Variants in HCN3 observed in about 807,000 individuals in gnomAD.
HCN3 encodes hyperpolarization activated cyclic nucleotide gated potassium channel 3, also known as potassium/sodium hyperpolarization-activated cyclic nucleotide-gated channel 3.
Under a neutral mutation model 56.8 loss-of-function variants are expected in HCN3, and 36 were observed. The observed-to-expected ratio is 0.63, with a 90% CI of 0.49 to 0.84. The LOEUF is 0.84. Ranked by LOEUF, HCN3 falls within the 40% of genes least tolerant of loss-of-function variation. The pLI is 0.00. For synonymous variants in HCN3, 425 were observed against 439.7 expected, an observed-to-expected ratio of 0.97 and a Z score of 0.42; for missense variants, 930 against 1,079.3, an observed-to-expected ratio of 0.86 and a Z score of 1.94.
At chr1:155,283,752 C>T (rs1400643839) in intron 2 of HCN3, among the ~76,000 whole-genome samples, 1 of 152,102 alleles carries the variant, frequency 6.6e-6, no homozygotes, top group Non-Finnish European at 1.5e-5. Flanking sequence ...CATGACTGAC[C>T]TCAGCTTTCC....
intron 1 of HCN3, among the ~76,000 whole-genome samples, 169 bp downstream of exon 1, chr1:155,278,037 G>A (rs1297685576): frequency 6.6e-6 from 1 of 152,086 alleles, no homozygotes; most frequent in Non-Finnish European, 1.5e-5. Flanking sequence ...ATTCCTGGGC[G>A]GGTATCCCCT....
rs1349779254 is a variant in HCN3 at position 155,284,179 on chromosome 1, G to A, written c.870+44G>A. ...TCTGCCTTTCCTGGGCCTTCTTAGG[G>A]CTCTTCTGCCTGAGTAGCAGGGATG... On this transcript the variant is annotated intron_variant, in intron 3 of 7. Coordinates refer to ENST00000368358, the MANE Select transcript of HCN3 (RefSeq NM_020897.3). The surrounding 1 kb of genome is among the most constrained non-coding windows in gnomAD (Gnocchi z 4.3). 5 of 1,600,366 alleles carry A rather than the reference G, an allele frequency of 3.1e-6. No individual in the cohort carries two copies. Among genetic ancestry groups the A allele is most frequent in the Non-Finnish European group, 4.3e-6 (5 of 1,170,710 alleles).
Position 155,289,281 on chromosome 1 carries a change from CTTGT to C in HCN3, c.*821_*824del, listed in dbSNP as rs1674430910. The C allele has an allele frequency of 1.3e-5, 2 of 152,238 alleles. No individual in the cohort carries two copies. The highest frequency in any genetic ancestry group is 2.1e-4 in the South Asian group (1 of 4,830). The allele number at this position is 152,238 out of a possible 1,614,324, so 9.4% of individuals were successfully genotyped here. ...TCCTTGTGTGATATTTTTTTCTTCG[CTTGT>C]TTATTTATTCATTTATTTAATTGTA... is the stretch of plus-strand genomic sequence containing the variant. On this transcript the variant is annotated 3_prime_UTR_variant, in exon 8 of 8. Transcript: ENST00000368358.
Position 155,277,609 on chromosome 1 carries a change from C to A in HCN3, c.19C>A (p.Pro7Thr), listed in dbSNP as rs1157598249. 3.2e-6 allele frequency: 5 copies of A among 1,558,980 alleles called. No homozygotes were observed. Among genetic ancestry groups the A allele is most frequent in the Non-Finnish European group, 3.5e-6 (4 of 1,152,792 alleles). ...GGGCGCCATGGAGGCAGAGCAGCGG[C>A]CGGCGGCGGGGGCCAGCGAAGGGGC... MEAEQR[P>T]AAGASEGATP... Residue 7 changes from proline (P) to threonine (T), a missense_variant, in exon 1 of 8, where the codon CCG becomes ACG. Pro to Thr is a conservative substitution (Grantham distance 38). Transcript: ENST00000368358.
In HCN3 at chr1:155,277,508, C is replaced by T; in HGVS notation, c.-83C>T. 3 of 1,436,482 alleles carry T rather than the reference C, an allele frequency of 2.1e-6. No homozygotes were observed. Among genetic ancestry groups the T allele is most frequent in the Non-Finnish European group, 2.8e-6 (3 of 1,089,548 alleles). 89.0% of individuals were successfully genotyped at this position (1,436,482 alleles called of 1,614,324 possible). On this transcript the variant is annotated 5_prime_UTR_variant, in exon 1 of 8. Coordinates refer to ENST00000368358, the MANE Select transcript of HCN3 (RefSeq NM_020897.3). ...TCCGCTAGAGCCCGCGGGGCTGCGC[C>T]GACTCCTGCTCTGGAGGGGTTGCGG...
chr1:155,277,895 G>GGGTA (rs1412355460), intron 1 of HCN3, 27 bp downstream of exon 1: 1 of 1,604,496 alleles, frequency 6.2e-7, no homozygotes, highest in African/African-American at 1.3e-5. Flanking sequence ...GGGGAGGGCA[G>GGGTA]GGTACATCAA....
Position 155,288,469 on chromosome 1 carries a change from T to TTGAG in HCN3, c.*8_*11dup. On this transcript the variant is annotated 3_prime_UTR_variant, in exon 8 of 8. Coordinates refer to ENST00000368358, the MANE Select transcript of HCN3 (RefSeq NM_020897.3). This position sits in a 1 kb window ranked among gnomAD's most constrained non-coding sequence, Gnocchi z 6.5. ...AGCTTTCTGCCAACATGTAAAACCT[T>TTGAG]TGAGTACATCCAGCCTTAGTTCTTG... 6.3e-7 allele frequency: 1 copy of TTGAG among 1,582,568 alleles called. No individual in the cohort carries two copies.
In HCN3 at chr1:155,285,073, G is replaced by A. The variant is rs1173944285; in HGVS notation, c.1090-92G>A. ...CGTTTCACCCCTTTGAGTTTGACCT[G>A]TGTCTCTGACCTTCCGCACACACAC... is the stretch of plus-strand genomic sequence containing the variant. On this transcript the variant is annotated intron_variant, in intron 4 of 7. Transcript: ENST00000368358. This position sits in a 1 kb window ranked among gnomAD's most constrained non-coding sequence, Gnocchi z 4.5. 3.4e-6 allele frequency: 5 copies of A among 1,464,826 alleles called. No individual in the cohort carries two copies. The highest frequency in any genetic ancestry group is 4.7e-6 in the Non-Finnish European group (5 of 1,069,996). The allele number at this position is 1,464,826 out of a possible 1,614,324, so 90.7% of individuals were successfully genotyped here.
At position 155,280,039 on chromosome 1, in the gene HCN3, C is replaced by T. The variant is rs952201539; in HGVS notation, c.278+2171C>T. ...TTGGCTCACTGCAACCTCCGCCTCCCGGGTTCAAGCGATTCTTCTGCATCA... is the reference window on the plus strand; with the variant it reads ...TTGGCTCACTGCAACCTCCGCCTCCTGGGTTCAAGCGATTCTTCTGCATCA... On this transcript the variant is annotated intron_variant, in intron 1 of 7. Transcript: ENST00000368358. Among the ~76,000 whole-genome samples, 6 of 151,660 alleles carry T rather than the reference C, an allele frequency of 4.0e-5. No homozygotes were observed. In the South Asian group the frequency reaches 6.2e-4, roughly 16 times the overall value.
intron 6 of HCN3, 73 bp downstream of exon 6, chr1:155,286,037 G>A (rs1674273606): frequency 6.6e-7 from 1 of 1,519,928 alleles, no homozygotes; most frequent in African/African-American, 1.4e-5. Flanking sequence ...CAGGCTCTGG[G>A]TCCCTGCCTC....
chr1:155,281,024 G>C (rs1268613760), intron 1 of HCN3, among the ~76,000 whole-genome samples: 4 of 151,250 alleles, frequency 2.6e-5, no homozygotes, highest in Admixed American at 1.3e-4. Context: ...AAAGTGCTGG[G>C]ATTACAGATA....
chr1:155,288,129 C>G lies in HCN3; in HGVS notation c.1991C>G (p.Pro664Arg). ...CCGCTGGTGCCCGTCCGAGCTGGCCCATGGGCATCCACCTCCCGCCTGCCC... is the reference window on the plus strand; with the variant it reads ...CCGCTGGTGCCCGTCCGAGCTGGCCGATGGGCATCCACCTCCCGCCTGCCC... Reference protein sequence around the residue: ...ASPLVPVRAGPWASTSRLPAP... With the variant: ...ASPLVPVRAGRWASTSRLPAP... Residue 664 changes from proline to arginine, a missense_variant, in exon 8 of 8, where the codon CCA becomes CGA. Coordinates refer to ENST00000368358, the MANE Select transcript of HCN3 (RefSeq NM_020897.3). This position sits in a 1 kb window ranked among gnomAD's most constrained non-coding sequence, Gnocchi z 6.5. 6.3e-7 allele frequency: 1 copy of G among 1,596,808 alleles called. No homozygotes were observed. The highest frequency in any genetic ancestry group is 8.5e-7 in the Non-Finnish European group (1 of 1,175,124).
chr1:155,285,064 GT>G lies in HCN3; in HGVS notation c.1090-98del. The G allele has an allele frequency of 1.4e-6, 2 of 1,396,982 alleles. No homozygotes were observed. The highest frequency in any genetic ancestry group is 2.0e-6 in the Non-Finnish European group (2 of 1,010,904). The allele number at this position is 1,396,982 out of a possible 1,614,324, so 86.5% of individuals were successfully genotyped here. On this transcript the variant is annotated intron_variant, in intron 4 of 7. Coordinates refer to ENST00000368358, the MANE Select transcript of HCN3 (RefSeq NM_020897.3). The surrounding 1 kb of genome is among the most constrained non-coding windows in gnomAD (Gnocchi z 4.5). ...CTGGTTCCACGTTTCACCCCTTTGAGTTTGACCTGTGTCTCTGACCTTCCGC... is the reference window on the plus strand; with the variant it reads ...CTGGTTCCACGTTTCACCCCTTTGAGTTGACCTGTGTCTCTGACCTTCCGC...
chr1:155,283,354 G>T (rs1674149749), intron 2 of HCN3, among the ~76,000 whole-genome samples: 1 of 151,816 alleles, frequency 6.6e-6, no homozygotes, highest in Non-Finnish European at 1.5e-5. Context: ...CACTTAGAAA[G>T]GTGTCTAGCA....
intron 6 of HCN3, among the ~76,000 whole-genome samples, chr1:155,286,336 G>A (rs1674286386): frequency 6.6e-6 from 1 of 152,064 alleles, no homozygotes. Context: ...TAGTAGAGAC[G>A]GGGTTTCACT....
chr1:155,278,749 A>G (rs926012455), intron 1 of HCN3, among the ~76,000 whole-genome samples: 2 of 152,074 alleles, frequency 1.3e-5, no homozygotes, highest in African/African-American at 4.8e-5. Flanking sequence ...CACTCCCTCT[A>G]TGTCTCTCTT....
In HCN3 at chr1:155,288,370, C is replaced by A; in HGVS notation, c.2232C>A (p.Leu744=). 6.2e-7 allele frequency: 1 copy of A among 1,613,862 alleles called. No individual in the cohort carries two copies. The highest frequency in any genetic ancestry group is 1.6e-4 in the Middle Eastern group (1 of 6,062). The part of the protein sequence containing the change: ...SGSERLPPSG[L]LAKPPRTAQP... The stretch of plus-strand genomic sequence containing the variant: ...GTGAGCGGCTGCCTCCCTCAGGGCT[C>A]CTGGCCAAACCTCCAAGGACAGCCC... Residue 744 remains leucine (L), a synonymous_variant, in exon 8 of 8, where the codon CTC becomes CTA. Transcript: ENST00000368358. This position sits in a 1 kb window ranked among gnomAD's most constrained non-coding sequence, Gnocchi z 6.5.
At position 155,282,845 on chromosome 1, in the gene HCN3, G is replaced by A. The variant is rs370726012; in HGVS notation, c.708+5G>A. 4.4e-6 allele frequency: 7 copies of A among 1,606,032 alleles called. No individual in the cohort carries two copies. The African/African-American group carries it at 5.4e-5, about 12-fold the overall frequency. On this transcript the variant is annotated splice_donor_5th_base_variant and intron_variant, in intron 2 of 7. Coordinates refer to ENST00000368358, the MANE Select transcript of HCN3 (RefSeq NM_020897.3). This position sits in a 1 kb window ranked among gnomAD's most constrained non-coding sequence, Gnocchi z 4.7. ...TACATACACCAGTGGGAGGAGGTGG[G>A]GTGGGGAGATGGCGGGCGGGGCAGT... is the stretch of plus-strand genomic sequence containing the variant.
At chr1:155,280,898 G>T (rs1368486060) in intron 1 of HCN3, among the ~76,000 whole-genome samples, 1 of 150,360 alleles carries the variant, frequency 6.7e-6, no homozygotes, top group Non-Finnish European at 1.5e-5. Context: ...GGGATCACAG[G>T]CATGTGCCAC....
Sources: allele counts gnomAD v4.1 joint callset (sites outside exome capture counted in the v4.1 genomes callset), GRCh38; gene constraint gnomAD v4.1.1; non-coding constraint Gnocchi (gnomAD v3.1); transcripts MANE v1.5; gene names NCBI Gene and HGNC (gene_info 2026-07-23, HGNC 2026-07-21).